The following BTBD16 variants were observed in gnomAD, a reference collection of about 807,000 sequenced individuals.
The protein encoded by BTBD16 is BTB domain containing 16, also known as BTB/POZ domain-containing protein 16.
BTBD16 carries 66 observed loss-of-function variants against 67.4 expected under a neutral mutation model. The ratio of observed to expected loss-of-function variants is 0.98; its 90% CI spans 0.80 to 1.20. BTBD16 has a LOEUF of 1.20. BTBD16 is among the 50% of genes most tolerant of loss of function. BTBD16 has a pLI of 0.00. For missense variants in BTBD16, 634 were observed against 616.0 expected, an observed-to-expected ratio of 1.03 and a Z score of -0.31; for synonymous variants, 242 against 236.4, an observed-to-expected ratio of 1.02 and a Z score of -0.22.
chr10:122,313,322 TGG>T (rs2096417703), intron 10 of BTBD16, among the ~76,000 whole-genome samples: 2 of 149,154 alleles, frequency 1.3e-5, no homozygotes, highest in Admixed American at 1.3e-4. Flanking sequence ...TAGAGTGTAA[TGG>T]TGCGATCTCA....
chr10:122,291,966 T>A (rs2096374958), intron 7 of BTBD16, among the ~76,000 whole-genome samples: 1 of 152,030 alleles, frequency 6.6e-6, no homozygotes, highest in African/African-American at 2.4e-5. Flanking sequence ...CTGACGAGGG[T>A]TGCCTGGGCT....
intron 1 of BTBD16, among the ~76,000 whole-genome samples, chr10:122,274,172 A>G (rs1262679336): frequency 2.6e-5 from 4 of 152,222 alleles, no homozygotes; most frequent in African/African-American, 7.2e-5. Flanking sequence ...GCTCTGGGGA[A>G]CTACCCAGTC....
At chr10:122,286,418 T>C in intron 5 of BTBD16, 170 bp downstream of exon 5, 3 of 635,470 alleles carry the variant, frequency 4.7e-6, no homozygotes, top group Non-Finnish European at 5.9e-6. Context: ...AAGTGTAAAA[T>C]GGGGATAATA....
intron 9 of BTBD16, among the ~76,000 whole-genome samples, chr10:122,306,090 G>T (rs1348670290): frequency 1.3e-5 from 2 of 152,300 alleles, no homozygotes; most frequent in South Asian, 4.1e-4. Context: ...TGGGCCCATG[G>T]TGATCACAAG....
chr10:122,332,756 A>G (rs2096457267), intron 13 of BTBD16: 3 of 901,342 alleles, frequency 3.3e-6, no homozygotes, highest in Non-Finnish European at 4.0e-6. Flanking sequence ...TCCTGGTGGT[A>G]CTGGAATGGA....
intron 10 of BTBD16, among the ~76,000 whole-genome samples, chr10:122,321,075 G>A (rs2096434629): frequency 6.6e-6 from 1 of 152,042 alleles, no homozygotes; most frequent in Non-Finnish European, 1.5e-5. Flanking sequence ...CCAATGTTTA[G>A]CTTCCATTTA....
chr10:122,286,542 C>A (rs760336778), intron 5 of BTBD16, among the ~76,000 whole-genome samples: 10 of 152,176 alleles, frequency 6.6e-5, no homozygotes, highest in Non-Finnish European at 1.2e-4. Context: ...TTGTAATAAC[C>A]CGAGTCTTGT....
At position 122,334,974 on chromosome 10, in the gene BTBD16, A is replaced by T; in HGVS notation, c.1258A>T (p.Met420Leu). The stretch of plus-strand genomic sequence containing the variant: ...TGATACTACCTCTTATAGTTTTTAC[A>T]TGCAGGTAAGGATAGAGTGCATGAA... ...KHDTTSYSFYMQRIKHTDLES... is the reference protein window; with the variant it reads ...KHDTTSYSFYLQRIKHTDLES... Residue 420 changes from methionine (M) to leucine (L), a missense_variant, in exon 14 of 16, where the codon ATG becomes TTG. Physicochemically the swap from Met to Leu is conservative, Grantham distance 15 (BLOSUM62 2). Coordinates refer to ENST00000260723, the MANE Select transcript of BTBD16 (RefSeq NM_144587.5). 2.0e-6 allele frequency: 3 copies of T among 1,475,368 alleles called. No individual in the cohort carries two copies. The highest frequency in any genetic ancestry group is 2.8e-6 in the Non-Finnish European group (3 of 1,059,608). The allele number at this position is 1,475,368 out of a possible 1,614,324, so 91.4% of individuals were successfully genotyped here.
intron 4 of BTBD16, among the ~76,000 whole-genome samples, chr10:122,285,166 A>C (rs2096361226): frequency 6.6e-6 from 1 of 152,136 alleles, no homozygotes; most frequent in Non-Finnish European, 1.5e-5. Context: ...GTGACCCTTC[A>C]GGTCCTGTCT....
intron 10 of BTBD16, chr10:122,327,494 GGA>G: frequency 1.6e-6 from 1 of 641,906 alleles, no homozygotes; most frequent in Non-Finnish European, 1.9e-6. Flanking sequence ...ACTTGACAGA[GGA>G]GAGTGAAGCT....
At chr10:122,291,251 A>G in intron 7 of BTBD16, 57 bp downstream of exon 7, 1 of 1,566,746 alleles carries the variant, frequency 6.4e-7, no homozygotes, top group Non-Finnish European at 8.7e-7. Flanking sequence ...TCGGAAGGGC[A>G]ATTCCTGGCC....
intron 9 of BTBD16, among the ~76,000 whole-genome samples, chr10:122,304,581 G>T (rs1213393029): frequency 1.5e-5 from 2 of 130,458 alleles, no homozygotes; most frequent in Non-Finnish European, 3.1e-5. Flanking sequence ...TTGAGACAGA[G>T]TCTCCCTATG....
At chr10:122,279,161 G>T (rs1052370365) in intron 3 of BTBD16, among the ~76,000 whole-genome samples, 2 of 152,048 alleles carry the variant, frequency 1.3e-5, no homozygotes, top group African/African-American at 4.8e-5. Context: ...TACTGAGTAT[G>T]GGAGAAACTG....
chr10:122,275,463 C>T (rs2096338539), intron 2 of BTBD16, among the ~76,000 whole-genome samples: 1 of 152,170 alleles, frequency 6.6e-6, no homozygotes, highest in South Asian at 2.1e-4. Context: ...TCCCCACAAT[C>T]CCCACCATCG....
At chr10:122,328,381 C>G (rs769381457) in intron 10 of BTBD16, among the ~76,000 whole-genome samples, 12 of 152,206 alleles carry the variant, frequency 7.9e-5, no homozygotes, top group Non-Finnish European at 1.5e-4. Flanking sequence ...GTAAATAACC[C>G]TTGAATTGAA....
chr10:122,306,674 G>A (rs4752681), intron 9 of BTBD16, among the ~76,000 whole-genome samples: 80,235 of 152,106 alleles, frequency 0.53, 21,870 homozygotes, highest in East Asian at 0.88. Flanking sequence ...GAAATTTAAG[G>A]GAGCATGAAA....
Position 122,329,571 on chromosome 10 carries a change from G to T in BTBD16, c.1003G>T (p.Gly335Cys). Reference sequence around the variant, plus strand: ...CTTGCGTCTGCACGGCATCACCAAAGGTAAGCCCCAGTCCAGGCGAGCGCA... The same window carrying T: ...CTTGCGTCTGCACGGCATCACCAAATGTAAGCCCCAGTCCAGGCGAGCGCA... ...LCLRLHGITKGKDLEVLRHLN... is the reference protein window; with the variant it reads ...LCLRLHGITKCKDLEVLRHLN... Residue 335 changes from glycine to cysteine, a missense_variant and splice_region_variant, in exon 11 of 16, where the codon GGC becomes TGC. By Grantham distance (159) the Gly-to-Cys change is radical. Transcript: ENST00000260723. 1 of 1,613,428 alleles carries T rather than the reference G, an allele frequency of 6.2e-7. No individual in the cohort carries two copies. Among genetic ancestry groups the T allele is most frequent in the Non-Finnish European group, 8.5e-7 (1 of 1,179,926 alleles).
At chr10:122,303,167 A>G (rs755601368) in intron 9 of BTBD16, among the ~76,000 whole-genome samples, 8 of 152,338 alleles carry the variant, frequency 5.3e-5, no homozygotes, top group East Asian at 1.9e-4. Flanking sequence ...AACATTTCCA[A>G]TGAAGCAGAA....
chr10:122,291,285 A>G, intron 7 of BTBD16, 91 bp downstream of exon 7: 1 of 1,496,522 alleles, frequency 6.7e-7, no homozygotes, highest in Non-Finnish European at 9.0e-7. Flanking sequence ...ATTCCTCTTC[A>G]TTGGGCTAAG....
Sources: gnomAD v4.1 joint callset for allele counts (sites outside exome capture counted in the v4.1 genomes callset) on GRCh38, gnomAD v4.1.1 for gene constraint, MANE v1.5 for transcripts, NCBI Gene and HGNC (gene_info 2026-07-23, HGNC 2026-07-21) for gene names.